PCDHGA11: variants seen among roughly 807,000 people sequenced by gnomAD.
PCDHGA11 encodes protocadherin gamma-A11.
In PCDHGA11, 39 loss-of-function variants were observed where a neutral mutation model predicts 60.4. The observed-to-expected ratio is 0.65, with a 90% CI of 0.50 to 0.84. The LOEUF (loss-of-function observed/expected upper bound fraction) is 0.84. Ranked by LOEUF, PCDHGA11 falls within the 40% of genes least tolerant of loss-of-function variation. The probability of loss-of-function intolerance (pLI) is 0.00; values close to 1 mark genes in which losing one functional copy is unlikely to be tolerated. For missense variants in PCDHGA11, 1,165 were observed against 1,197.7 expected, an observed-to-expected ratio of 0.97 and a Z score of 0.40; for synonymous variants, 533 against 510.3, an observed-to-expected ratio of 1.04 and a Z score of -0.60.
At chr5:141,447,768 T>C (rs1392134454) in intron 1 of PCDHGA11, among the ~76,000 whole-genome samples, 1 of 152,212 alleles carries the variant, frequency 6.6e-6, no homozygotes, top group East Asian at 1.9e-4. Context: ...ATATAAATTA[T>C]ACTTTAATTG....
At chr5:141,446,642 A>T (rs939365233) in intron 1 of PCDHGA11, among the ~76,000 whole-genome samples, 2 of 151,970 alleles carry the variant, frequency 1.3e-5, no homozygotes, top group Admixed American at 1.3e-4. Flanking sequence ...ACGCCTGGCT[A>T]ATTTTTGTAT....
Position 141,422,221 on chromosome 5 carries a change from A to T in PCDHGA11, c.994A>T (p.Thr332Ser), listed in dbSNP as rs1267909650. ...GQDGGGLFTT[T>S]TMLITVVDVN... ...AGATGGTGGAGGTCTCTTTACCACCACGACGATGTTGATCACTGTTGTGGA... is the reference window on the plus strand; with the variant it reads ...AGATGGTGGAGGTCTCTTTACCACCTCGACGATGTTGATCACTGTTGTGGA... The change falls in exon 1 of 4, where the codon ACG (threonine) becomes TCG (serine). Residue 332 changes from threonine (T) to serine (S), a missense_variant. Thr to Ser is a moderately conservative substitution (Grantham distance 58, BLOSUM62 1). Transcript: ENST00000398587. 1.3e-6 allele frequency: 2 copies of T among 1,565,034 alleles called. No individual in the cohort carries two copies. The highest frequency in any genetic ancestry group is 4.0e-5 in the Admixed American group (2 of 49,684).
intron 1 of PCDHGA11, among the ~76,000 whole-genome samples, chr5:141,465,360 C>T (rs1238387777): frequency 6.6e-6 from 1 of 151,940 alleles, no homozygotes; most frequent in Non-Finnish European, 1.5e-5. Context: ...AAAATGGGTG[C>T]CCTTTAAAGT....
rs1000775080 is a variant in PCDHGA11 at position 141,487,567 on chromosome 5, G to C, written c.2434-7240G>C. 2 of 1,614,168 alleles carry C rather than the reference G, an allele frequency of 1.2e-6. No individual in the cohort carries two copies. The highest frequency in any genetic ancestry group is 1.7e-6 in the Non-Finnish European group (2 of 1,180,036). ...CACCCAGTGCACCTATGGCAGGGGA[G>C]CCTGTTCGCCCAAGCTGCCCACCCT... On this transcript the variant is annotated intron_variant, in intron 1 of 3. Coordinates refer to ENST00000398587, the MANE Select transcript of PCDHGA11 (RefSeq NM_018914.3). The surrounding 1 kb of genome is among the most constrained non-coding windows in gnomAD (Gnocchi z 5.0).
rs1193497090 is a variant in PCDHGA11 at position 141,485,890 on chromosome 5, C to T, written c.2434-8917C>T. On this transcript the variant is annotated intron_variant, in intron 1 of 3. Coordinates refer to ENST00000398587, the MANE Select transcript of PCDHGA11 (RefSeq NM_018914.3). This position sits in a 1 kb window ranked among gnomAD's most constrained non-coding sequence, Gnocchi z 5.7. ...CCGTGCTGGACGTAAACGACAACGC[C>T]CCAGCCTTCCAGCAATCCAGCTACA... The T allele has an allele frequency of 6.2e-6, 10 of 1,614,156 alleles. No homozygotes were observed. Among genetic ancestry groups the T allele is most frequent in the Non-Finnish European group, 6.8e-6 (8 of 1,180,022 alleles).
In PCDHGA11 at chr5:141,421,800, G is replaced by A; in HGVS notation, c.573G>A (p.Lys191=). Residue 191 remains lysine, a synonymous_variant, in exon 1 of 4, where the codon AAG becomes AAA. Coordinates refer to ENST00000398587, the MANE Select transcript of PCDHGA11 (RefSeq NM_018914.3). ...LQLRGRTDGA[K]NPELVLEGSL... ...TGCGGGGCAGAACGGATGGGGCCAA[G>A]AATCCAGAGCTAGTACTGGAGGGAA... is the stretch of plus-strand genomic sequence containing the variant. 6.2e-7 allele frequency: 1 copy of A among 1,613,846 alleles called. No individual in the cohort carries two copies. Among genetic ancestry groups the A allele is most frequent in the Non-Finnish European group, 8.5e-7 (1 of 1,179,888 alleles).
rs759439765 is a variant in PCDHGA11 at position 141,478,199 on chromosome 5, C to A, written c.2434-16608C>A. ...GAAAAAAAATCTCACCTTTTATCTA[C>A]TTCTTTCTCTAATCCTGGTTTCTGT... On this transcript the variant is annotated intron_variant, in intron 1 of 3. Coordinates refer to ENST00000398587, the MANE Select transcript of PCDHGA11 (RefSeq NM_018914.3). The A allele has an allele frequency of 3.8e-5, 62 of 1,613,938 alleles. No homozygotes were observed. Among genetic ancestry groups the A allele is most frequent in the Non-Finnish European group, 5.0e-5 (59 of 1,180,046 alleles).
chr5:141,423,386 G>T lies in PCDHGA11; in HGVS notation c.2159G>T (p.Trp720Leu). 6.2e-7 allele frequency: 1 copy of T among 1,614,160 alleles called. No homozygotes were observed. Among genetic ancestry groups the T allele is most frequent in the Middle Eastern group, 1.7e-4 (1 of 6,058 alleles). ...IVLLALRLWR[W>L]HKSRLLQASE... ...CTGCTGGCACTCAGGCTGTGGCGCT[G>T]GCATAAGTCACGCCTGCTGCAGGCT... Residue 720 changes from tryptophan to leucine, a missense_variant, in exon 1 of 4, where the codon TGG (tryptophan) becomes TTG (leucine). Trp to Leu is a moderately conservative substitution (Grantham distance 61). Coordinates refer to ENST00000398587, the MANE Select transcript of PCDHGA11 (RefSeq NM_018914.3).
intron 2 of PCDHGA11, among the ~76,000 whole-genome samples, chr5:141,501,876 C>T (rs1463329895): frequency 6.6e-6 from 1 of 152,118 alleles, no homozygotes; most frequent in East Asian, 1.9e-4. Context: ...CGCCTCCTTA[C>T]ACTCCTGATC....
intron 1 of PCDHGA11, among the ~76,000 whole-genome samples, chr5:141,448,016 G>A (rs903673535): frequency 6.6e-6 from 1 of 152,006 alleles, no homozygotes; most frequent in South Asian, 2.1e-4. Context: ...AACCCAGGAG[G>A]TGGAGGTTGC....
intron 1 of PCDHGA11, 79 bp from the exon 2 acceptor site, chr5:141,494,728 C>T (rs2099756337): frequency 1.2e-6 from 2 of 1,609,984 alleles, no homozygotes; most frequent in Admixed American, 3.3e-5. Context: ...TCCTTCTCTC[C>T]CGGCCCATCC....
chr5:141,502,027 C>T (rs547850211), intron 2 of PCDHGA11, among the ~76,000 whole-genome samples: 6 of 152,274 alleles, frequency 3.9e-5, no homozygotes, highest in African/African-American at 9.6e-5. Flanking sequence ...CTGCAACCCC[C>T]GCCGCTTGCC....
chr5:141,458,970 C>T (rs1260904595), intron 1 of PCDHGA11, among the ~76,000 whole-genome samples: 1 of 152,170 alleles, frequency 6.6e-6, no homozygotes, highest in Admixed American at 6.6e-5. Flanking sequence ...CAGCCTCAAG[C>T]AGTCCTCCTG....
chr5:141,432,395 G>C lies in PCDHGA11; in HGVS notation c.2433+8735G>C, dbSNP rs748660079. The C allele has an allele frequency of 1.2e-6, 2 of 1,614,242 alleles. No homozygotes were observed. The highest frequency in any genetic ancestry group is 4.5e-5 in the East Asian group (2 of 44,882). On this transcript the variant is annotated intron_variant, in intron 1 of 3. Coordinates refer to ENST00000398587, the MANE Select transcript of PCDHGA11 (RefSeq NM_018914.3). The surrounding 1 kb of genome is among the most constrained non-coding windows in gnomAD (Gnocchi z 6.0). The stretch of plus-strand genomic sequence containing the variant: ...CGGGCACCCGCCCCTCAGCAGCAAC[G>C]TGTCGTTGAGCCTGTTCGTGCTGGA...
In PCDHGA11 at chr5:141,490,072, G is replaced by A; in HGVS notation, c.2434-4735G>A. On this transcript the variant is annotated intron_variant, in intron 1 of 3. Transcript: ENST00000398587. This position sits in a 1 kb window ranked among gnomAD's most constrained non-coding sequence, Gnocchi z 5.4. ...AGACGAGGGCACCAACGGCCAACTA[G>A]ACTATTCTTTTGGAGACCACACATC... is the stretch of plus-strand genomic sequence containing the variant. The A allele has an allele frequency of 6.2e-7, 1 of 1,614,254 alleles. No homozygotes were observed. The highest frequency in any genetic ancestry group is 8.5e-7 in the Non-Finnish European group (1 of 1,180,042).
At position 141,432,950 on chromosome 5, in the gene PCDHGA11, G is replaced by A. The variant is rs750033444; in HGVS notation, c.2433+9290G>A. 9.9e-6 allele frequency: 16 copies of A among 1,614,190 alleles called. No individual in the cohort carries two copies. The highest frequency in any genetic ancestry group is 1.3e-5 in the African/African-American group (1 of 75,060). ...ACGCCTGCTGCAGGCTTCAGGAGGC[G>A]GCTTGACAGGAGCGCCGGCGTCGCA... is the stretch of plus-strand genomic sequence containing the variant. On this transcript the variant is annotated intron_variant, in intron 1 of 3. Coordinates refer to ENST00000398587, the MANE Select transcript of PCDHGA11 (RefSeq NM_018914.3). This position sits in a 1 kb window ranked among gnomAD's most constrained non-coding sequence, Gnocchi z 6.0.
intron 1 of PCDHGA11, among the ~76,000 whole-genome samples, chr5:141,455,133 CTG>C (rs2098814252): frequency 6.6e-6 from 1 of 151,392 alleles, no homozygotes; most frequent in African/African-American, 2.4e-5. Flanking sequence ...TTAAATTACA[CTG>C]TGTTAAATAA....
intron 1 of PCDHGA11, among the ~76,000 whole-genome samples, chr5:141,456,406 G>A (rs1038971451): frequency 2.0e-5 from 3 of 152,080 alleles, no homozygotes; most frequent in South Asian, 2.1e-4. Flanking sequence ...GCTTCTAGGC[G>A]AGAAGAAACA....
At position 141,421,371 on chromosome 5, in the gene PCDHGA11, T is replaced by C; in HGVS notation, c.144T>C (p.Asn48=). ...EETEKGSFVG[N]ISKDLGLEPR... ...CCGAAAAGGGCTCCTTCGTGGGCAA[T>C]ATCTCCAAGGACCTGGGGCTGGAGC... is the stretch of plus-strand genomic sequence containing the variant. The change falls in exon 1 of 4, where the codon AAT becomes AAC. Residue 48 remains asparagine (N), a synonymous_variant. Coordinates refer to ENST00000398587, the MANE Select transcript of PCDHGA11 (RefSeq NM_018914.3). 1.2e-6 allele frequency: 2 copies of C among 1,614,028 alleles called. No homozygotes were observed. The highest frequency in any genetic ancestry group is 1.7e-6 in the Non-Finnish European group (2 of 1,179,898).
Sources: gnomAD v4.1 joint callset for allele counts (sites outside exome capture counted in the v4.1 genomes callset) on GRCh38, gnomAD v4.1.1 for gene constraint, Gnocchi (gnomAD v3.1) non-coding constraint, MANE v1.5 for transcripts, NCBI Gene and HGNC (gene_info 2026-07-23, HGNC 2026-07-21) for gene names.